Variants in EHMT1 observed in about 807,000 individuals in gnomAD.
EHMT1 encodes euchromatic histone lysine methyltransferase 1.
Under a neutral mutation model 147.2 loss-of-function variants are expected in EHMT1, and 15 were observed. The observed-to-expected ratio is 0.10, with a 90% CI of 0.07 to 0.16. EHMT1 has a LOEUF of 0.16. Ranked by LOEUF, EHMT1 falls within the 10% of genes least tolerant of loss-of-function variation. The pLI is 1.00. For missense variants in EHMT1, 1,587 were observed against 1,772.4 expected (o/e 0.90, Z 1.88); for synonymous variants, 795 against 709.6 (o/e 1.12, Z -1.91).
intron 1 of EHMT1, among the ~76,000 whole-genome samples, chr9:137,682,150 G>T (rs549697096): frequency 3.0e-4 from 46 of 151,972 alleles, no homozygotes; most frequent in African/African-American, 9.9e-4. Flanking sequence ...GGGTTTCTCC[G>T]TGTTCGTCAG....
At chr9:137,742,008 CA>C (rs1295492293) in intron 4 of EHMT1, among the ~76,000 whole-genome samples, 1 of 152,196 alleles carries the variant, frequency 6.6e-6, no homozygotes, top group African/African-American at 2.4e-5. Flanking sequence ...TGCTTGAGCA[CA>C]GCCATGCTGG....
chr9:137,782,337 C>T lies in EHMT1; in HGVS notation c.2322C>T (p.Arg774=), dbSNP rs953079844. The T allele has an allele frequency of 1.2e-6, 2 of 1,613,560 alleles. No homozygotes were observed. The highest frequency in any genetic ancestry group is 1.7e-6 in the Non-Finnish European group (2 of 1,179,962). ...TCAAAATGGAGCACCAGAATAAGCG[C>T]TCTCCACTGCACGCCGCGGCAGAGG... The part of the protein sequence containing the change: ...PNFKMEHQNK[R]SPLHAAAEAG... The change falls in exon 15 of 27, where the codon CGC becomes CGT. Residue 774 remains arginine, a synonymous_variant. Transcript: ENST00000460843. The surrounding 1 kb of genome is among the most constrained non-coding windows in gnomAD (Gnocchi z 5.7).
intron 4 of EHMT1, 134 bp downstream of exon 4, chr9:137,728,663 T>G (rs1946837421): frequency 8.1e-7 from 1 of 1,235,462 alleles, no homozygotes; most frequent in Non-Finnish European, 1.2e-6. Flanking sequence ...CAGCTGGCCC[T>G]CCTGTGCTCG....
intron 1 of EHMT1, among the ~76,000 whole-genome samples, chr9:137,687,696 G>A (rs1942581328): frequency 6.6e-6 from 1 of 152,210 alleles, no homozygotes; most frequent in Non-Finnish European, 1.5e-5. Context: ...CAAGAAGATG[G>A]CAGGCCATGA....
chr9:137,765,532 A>G (rs1041342194), intron 10 of EHMT1, among the ~76,000 whole-genome samples: 1 of 152,182 alleles, frequency 6.6e-6, no homozygotes, highest in Non-Finnish European at 1.5e-5. Flanking sequence ...AATTAAATGA[A>G]ACGTAGATCC....
rs1954500305 is a variant in EHMT1, at chr9:137,811,710, T to C, written c.2867+95T>C. ...CAGTCTTGTGTTCACACTTGGGGCG[T>C]GAGTGGACACAGGCCCTCTGTTCCT... On this transcript the variant is annotated intron_variant, in intron 19 of 26. Transcript: ENST00000460843. 104 of 1,527,644 alleles carry C rather than the reference T, an allele frequency of 6.8e-5. 2 individuals are homozygous for C. The South Asian group carries it at 1.1e-3, about 17-fold the overall frequency. 94.6% of individuals were successfully genotyped at this position (1,527,644 alleles called of 1,614,324 possible).
At chr9:137,683,149 T>C (rs1942120109) in intron 1 of EHMT1, among the ~76,000 whole-genome samples, 1 of 152,262 alleles carries the variant, frequency 6.6e-6, no homozygotes, top group Non-Finnish European at 1.5e-5. Context: ...TCTCATTTAA[T>C]AGACTTTATT....
intron 1 of EHMT1, among the ~76,000 whole-genome samples, chr9:137,626,602 A>T (rs1438029241): frequency 6.7e-6 from 1 of 148,640 alleles, no homozygotes; most frequent in Non-Finnish European, 1.5e-5. Flanking sequence ...TTGCTGTCTT[A>T]TCTCTTAGTC....
intron 1 of EHMT1, among the ~76,000 whole-genome samples, chr9:137,650,397 C>T (rs1254316942): frequency 6.6e-6 from 1 of 151,896 alleles, no homozygotes; most frequent in Non-Finnish European, 1.5e-5. Context: ...ACAGGTGTAC[C>T]TTGCCCAGCT....
intron 4 of EHMT1, 85 bp downstream of exon 4, chr9:137,728,614 T>G: frequency 1.3e-6 from 2 of 1,569,870 alleles, no homozygotes; most frequent in Non-Finnish European, 1.7e-6. Context: ...TGTTTGGCTG[T>G]AAGTGCCTGT....
chr9:137,670,271 T>G (rs1469888121), intron 1 of EHMT1, among the ~76,000 whole-genome samples: 2 of 152,126 alleles, frequency 1.3e-5, no homozygotes, highest in Non-Finnish European at 1.5e-5. Context: ...GTGTGCATCC[T>G]CCCTCATTCT....
intron 1 of EHMT1, among the ~76,000 whole-genome samples, chr9:137,631,330 T>G (rs556261568): frequency 6.6e-6 from 1 of 151,280 alleles, no homozygotes; most frequent in East Asian, 2.0e-4. Flanking sequence ...AGGTGGAGGT[T>G]GCAGTGACCT....
chr9:137,678,178 A>G (rs1047761914), intron 1 of EHMT1, among the ~76,000 whole-genome samples: 3 of 152,216 alleles, frequency 2.0e-5, no homozygotes, highest in Admixed American at 6.5e-5. Flanking sequence ...TGTAAGGGAT[A>G]TACTAAGATG....
intron 1 of EHMT1, among the ~76,000 whole-genome samples, chr9:137,658,778 A>G (rs1479711118): frequency 6.6e-6 from 1 of 151,884 alleles, no homozygotes; most frequent in Non-Finnish European, 1.5e-5. Flanking sequence ...ATACCTGGCT[A>G]TTTTTAAAAA....
In EHMT1 at chr9:137,728,505, A is replaced by G. The variant is rs139268115; in HGVS notation, c.799A>G (p.Met267Val). 6.2e-7 allele frequency: 1 copy of G among 1,614,140 alleles called. No homozygotes were observed. Among genetic ancestry groups the G allele is most frequent in the South Asian group, 1.1e-5 (1 of 91,084 alleles). Residue 267 changes from methionine to valine, a missense_variant, in exon 4 of 27, where the codon ATG becomes GTG. Met to Val is a conservative substitution (Grantham distance 21). Transcript: ENST00000460843. ...GTCGCTACCTCAGAACCAGTGCTAC[A>G]TGGCCACCACAAAATCACAGACAGG... The part of the protein sequence containing the change: ...HQSLPQNQCY[M>V]ATTKSQTACL...
At chr9:137,803,098 T>C (rs1953641774) in intron 18 of EHMT1, 2 of 1,229,610 alleles carry the variant, frequency 1.6e-6, no homozygotes, top group African/African-American at 3.1e-5. Context: ...GCCTGGGCAG[T>C]TTGCAGCCTG....
At chr9:137,622,859 A>G (rs1843015238) in intron 1 of EHMT1, among the ~76,000 whole-genome samples, 2 of 146,744 alleles carry the variant, frequency 1.4e-5, no homozygotes, top group Admixed American at 1.4e-4. Flanking sequence ...GTGAGCTGTG[A>G]TTGTGCCACT....
At chr9:137,678,026 G>A (rs1182991019) in intron 1 of EHMT1, among the ~76,000 whole-genome samples, 24 of 152,084 alleles carry the variant, frequency 1.6e-4, no homozygotes, top group Admixed American at 7.9e-4. Flanking sequence ...CCAAGATGGC[G>A]CCACTGCACT....
chr9:137,741,406 A>G (rs1228883108), intron 4 of EHMT1, among the ~76,000 whole-genome samples: 3 of 152,110 alleles, frequency 2.0e-5, no homozygotes, highest in African/African-American at 7.2e-5. Context: ...CAGGTAGCAA[A>G]CGTCAGCGCC....
Sources: allele counts gnomAD v4.1 joint callset (sites outside exome capture counted in the v4.1 genomes callset), GRCh38; gene constraint gnomAD v4.1.1; non-coding constraint Gnocchi (gnomAD v3.1); transcripts MANE v1.5; gene names NCBI Gene and HGNC (gene_info 2026-07-23, HGNC 2026-07-21).